Variants in OXNAD1 observed in about 807,000 individuals in gnomAD.
OXNAD1 encodes the protein oxidoreductase NAD binding domain containing 1, also known as oxidoreductase NAD-binding domain-containing protein 1.
In OXNAD1, 34 loss-of-function variants were observed where a neutral mutation model predicts 32.9. The observed-to-expected ratio is 1.03, with a 90% CI of 0.79 to 1.38. The LOEUF (loss-of-function observed/expected upper bound fraction) is 1.38, where lower values mean the gene tolerates loss of function less well. Ranked by LOEUF, OXNAD1 falls within the 40% of genes most tolerant of loss-of-function variation. The pLI is 0.00. For synonymous variants in OXNAD1, 134 were observed against 135.2 expected, an observed-to-expected ratio of 0.99 and a Z score of 0.06; for missense variants, 407 against 379.4, an observed-to-expected ratio of 1.07 and a Z score of -0.60.
rs1179175357 is a variant in OXNAD1 at position 16,284,682 on chromosome 3, A to G, written c.184-1660A>G. Reference sequence around the variant, plus strand: ...CAGCAGCATTGTAAGTACTTTTGTCAGTATTATCTCATTTAATCCTCCCAG... The same window carrying G: ...CAGCAGCATTGTAAGTACTTTTGTCGGTATTATCTCATTTAATCCTCCCAG... On this transcript the variant is annotated intron_variant, in intron 4 of 8. Transcript: ENST00000285083. The surrounding 1 kb of genome is among the most constrained non-coding windows in gnomAD (Gnocchi z 4.1). 6.6e-6 allele frequency among the ~76,000 whole-genome samples: 1 copy of G among 152,208 alleles called. No individual in the cohort carries two copies. The highest frequency in any genetic ancestry group is 1.5e-5 in the Non-Finnish European group (1 of 68,026).
rs6784546 is a variant in OXNAD1 at position 16,288,026 on chromosome 3, C to T, written c.290+1578C>T. ...GTTGATCAGCATTCATTCCAGGCCCCTGGGCCCTCCTCTTTCAACAAATTT... is the reference window on the plus strand; with the variant it reads ...GTTGATCAGCATTCATTCCAGGCCCTTGGGCCCTCCTCTTTCAACAAATTT... On this transcript the variant is annotated intron_variant, in intron 5 of 8. Coordinates refer to ENST00000285083, the MANE Select transcript of OXNAD1 (RefSeq NM_138381.5). The surrounding 1 kb of genome is among the most constrained non-coding windows in gnomAD (Gnocchi z 5.1). Among the ~76,000 whole-genome samples the T allele has an allele frequency of 0.066, 10,025 of 152,216 alleles. 1,041 individuals are homozygous for T. The highest frequency in any genetic ancestry group is 0.23 in the African/African-American group (9,466 of 41,488).
At chr3:16,274,265 A>G (rs1306828524) in intron 4 of OXNAD1, among the ~76,000 whole-genome samples, 1 of 152,056 alleles carries the variant, frequency 6.6e-6, no homozygotes, top group Non-Finnish European at 1.5e-5. Flanking sequence ...GTTTATAAAT[A>G]TAACTATAAC....
chr3:16,351,503 A>G (rs1376077399), downstream of OXNAD1, among the ~76,000 whole-genome samples: 2 of 152,234 alleles, frequency 1.3e-5, no homozygotes, highest in African/African-American at 2.4e-5. The surrounding 1 kb of genome is among the most constrained non-coding windows in gnomAD (Gnocchi z 5.4). Flanking sequence ...CCAGAGCCTC[A>G]TGACAAAGTC....
Position 16,290,164 on chromosome 3 carries a change from C to T in OXNAD1, c.290+3716C>T, listed in dbSNP as rs1008103566. ...TGGATGTGGACATCCACTGCTTCAC[C>T]GCGCACCTAGGCTCCTTCTGCATAC... On this transcript the variant is annotated intron_variant, in intron 5 of 8. Transcript: ENST00000285083. This position sits in a 1 kb window ranked among gnomAD's most constrained non-coding sequence, Gnocchi z 4.2. Among the ~76,000 whole-genome samples, 14 of 152,156 alleles carry T rather than the reference C, an allele frequency of 9.2e-5. No individual in the cohort carries two copies. The highest frequency in any genetic ancestry group is 3.8e-4 in the East Asian group (2 of 5,196).
rs1182486212 is a variant in OXNAD1 at position 16,289,791 on chromosome 3, C to T, written c.290+3343C>T. The stretch of plus-strand genomic sequence containing the variant: ...TGAAGTCTTTCTTAATTCCTGTACT[C>T]CTGGTAGAATTGACTCCTCCTTCCT... On this transcript the variant is annotated intron_variant, in intron 5 of 8. Coordinates refer to ENST00000285083, the MANE Select transcript of OXNAD1 (RefSeq NM_138381.5). This position sits in a 1 kb window ranked among gnomAD's most constrained non-coding sequence, Gnocchi z 4.9. Among the ~76,000 whole-genome samples, 1 of 152,174 alleles carries T rather than the reference C, an allele frequency of 6.6e-6. No homozygotes were observed. The highest frequency in any genetic ancestry group is 2.4e-5 in the African/African-American group (1 of 41,436).
At chr3:16,306,725 C>G (rs762738274), downstream of OXNAD1, among the ~76,000 whole-genome samples, 1 of 152,186 alleles carries the variant, frequency 6.6e-6, no homozygotes, top group Non-Finnish European at 1.5e-5. Context: ...CTCTGTATTT[C>G]ATGTAAACTG....
chr3:16,269,263 G>T lies in OXNAD1; in HGVS notation c.-21G>T. 2 of 1,535,260 alleles carry T rather than the reference G, an allele frequency of 1.3e-6. No homozygotes were observed. The highest frequency in any genetic ancestry group is 1.7e-6 in the Non-Finnish European group (2 of 1,146,728). On this transcript the variant is annotated 5_prime_UTR_variant, in exon 2 of 9. Transcript: ENST00000285083. The stretch of plus-strand genomic sequence containing the variant: ...TATACTTAATGACTCCTAAAATCTC[G>T]TGGACTTCTAAGGTAAGTTTCAACT...
chr3:16,296,156 A>G (rs946004338), intron 6 of OXNAD1, among the ~76,000 whole-genome samples: 14 of 152,200 alleles, frequency 9.2e-5, no homozygotes, highest in African/African-American at 3.4e-4. Flanking sequence ...ACACAGGCAA[A>G]TCATGTTTGT....
In OXNAD1 at chr3:16,271,230, G is replaced by A. The variant is rs1322258461; in HGVS notation, c.119+159G>A. 4 of 848,048 alleles carry A rather than the reference G, an allele frequency of 4.7e-6. No homozygotes were observed. In the East Asian group the frequency reaches 1.0e-4, roughly 22 times the overall value. 52.5% of individuals were successfully genotyped at this position (848,048 alleles called of 1,614,324 possible). ...AACCGTTTTTTTTGTCTGAGATGGA[G>A]TCTTGCTCCGTCGCCTGGGCTGGAG... On this transcript the variant is annotated intron_variant, in intron 3 of 8. Coordinates refer to ENST00000285083, the MANE Select transcript of OXNAD1 (RefSeq NM_138381.5). This position sits in a 1 kb window ranked among gnomAD's most constrained non-coding sequence, Gnocchi z 4.6.
chr3:16,293,181 G>T (rs1362828061), intron 5 of OXNAD1, among the ~76,000 whole-genome samples: 1 of 152,114 alleles, frequency 6.6e-6, no homozygotes, highest in Non-Finnish European at 1.5e-5. Context: ...CATTTACTTA[G>T]ATCTTTAATT....
Position 16,334,342 on chromosome 3 carries a change from G to GAAC in OXNAD1, c.*31-2768_*31-2766dup, listed in dbSNP as rs1275714167. Among the ~76,000 whole-genome samples, 1 of 152,190 alleles carries GAAC rather than the reference G, an allele frequency of 6.6e-6. No homozygotes were observed. Among genetic ancestry groups the GAAC allele is most frequent in the Non-Finnish European group, 1.5e-5 (1 of 68,044 alleles). On this transcript the variant is annotated intron_variant, in intron 9 of 9. Coordinates refer to the OXNAD1 transcript ENST00000435829. The surrounding 1 kb of genome is among the most constrained non-coding windows in gnomAD (Gnocchi z 4.3). ...GGCTCATTGATTCAACCCTCCTGGA[G>GAAC]AACAGTTTGACAGTATCTTTCAAAA... is the stretch of plus-strand genomic sequence containing the variant.
Position 16,303,311 on chromosome 3 carries a change from G to A in OXNAD1, c.785-97G>A. 7.1e-7 allele frequency: 1 copy of A among 1,399,664 alleles called. No individual in the cohort carries two copies. The highest frequency in any genetic ancestry group is 9.9e-7 in the Non-Finnish European group (1 of 1,014,878). 86.7% of individuals were successfully genotyped at this position (1,399,664 alleles called of 1,614,324 possible). A position where few individuals can be genotyped will look rare whatever the true frequency, so the allele number is the denominator to read the frequency against. On this transcript the variant is annotated intron_variant, in intron 8 of 8. Coordinates refer to ENST00000285083, the MANE Select transcript of OXNAD1 (RefSeq NM_138381.5). The surrounding 1 kb of genome is among the most constrained non-coding windows in gnomAD (Gnocchi z 4.8). The stretch of plus-strand genomic sequence containing the variant: ...TAAGAAGACTAGACTCACTGAACTT[G>A]GAAATAAACACTGTATCTGAATTGT...
At chr3:16,279,071 G>C (rs991576901) in intron 4 of OXNAD1, among the ~76,000 whole-genome samples, 4 of 152,228 alleles carry the variant, frequency 2.6e-5, no homozygotes, top group African/African-American at 9.6e-5. Context: ...CCTGTAACTT[G>C]CTTTGGTTAT....
rs2068035317 is a variant in OXNAD1 at position 16,312,352 on chromosome 3, G to GGCCCACCCT, written c.*30+8763_*30+8771dup. ...TGCAGGCAGAGCACTAATCACCAGG[G>GGCCCACCCT]GCCCACCCTGCACTACTCACGCAGT... is the stretch of plus-strand genomic sequence containing the variant. On this transcript the variant is annotated intron_variant, in intron 9 of 9. Transcript: ENST00000435829. The surrounding 1 kb of genome is among the most constrained non-coding windows in gnomAD (Gnocchi z 4.7). Among the ~76,000 whole-genome samples the GGCCCACCCT allele has an allele frequency of 6.6e-6, 1 of 152,064 alleles. No individual in the cohort carries two copies. Among genetic ancestry groups the GGCCCACCCT allele is most frequent in the Non-Finnish European group, 1.5e-5 (1 of 68,016 alleles).
intron 4 of OXNAD1, among the ~76,000 whole-genome samples, chr3:16,285,899 G>A (rs1376906985): frequency 2.6e-5 from 4 of 152,106 alleles, no homozygotes; most frequent in African/African-American, 4.8e-5. Flanking sequence ...GCTCTTTGTG[G>A]GCTCCTTACA....
In OXNAD1 at chr3:16,303,582, A is replaced by C; in HGVS notation, c.*20A>C. 1 of 1,610,558 alleles carries C rather than the reference A, an allele frequency of 6.2e-7. No individual in the cohort carries two copies. The highest frequency in any genetic ancestry group is 2.2e-5 in the East Asian group (1 of 44,566). On this transcript the variant is annotated 3_prime_UTR_variant, in exon 9 of 9. Transcript: ENST00000285083. This position sits in a 1 kb window ranked among gnomAD's most constrained non-coding sequence, Gnocchi z 4.8. Reference sequence around the variant, plus strand: ...TGGTAGGAGGCAGACAAAGGCAGAAAAAATAAAGAGGTGAGATCTACTCAG... The same window carrying C: ...TGGTAGGAGGCAGACAAAGGCAGAACAAATAAAGAGGTGAGATCTACTCAG...
At chr3:16,347,580 CCTCT>C (rs1368175900) in intron 9 of OXNAD1, 5 of 152,206 alleles carry the variant, frequency 3.3e-5, no homozygotes, top group African/African-American at 4.8e-5. Context: ...ATAAAATCTC[CCTCT>C]GCCTCTCTGT....
Position 16,317,762 on chromosome 3 carries a change from CCA to C in OXNAD1, c.*30+14171_*30+14172del, listed in dbSNP as rs1374513291. Among the ~76,000 whole-genome samples, 2 of 139,344 alleles carry C rather than the reference CCA, an allele frequency of 1.4e-5. No individual in the cohort carries two copies. Among genetic ancestry groups the C allele is most frequent in the South Asian group, 4.2e-4 (2 of 4,712 alleles). 91.4% of individuals were successfully genotyped at this position (139,344 alleles called of 152,430 possible). A position where few individuals can be genotyped will look rare whatever the true frequency, so the allele number is the denominator to read the frequency against. ...CCCACAGGACTGGCGGGCCCGCTCC[CCA>C]GCTAGGCCGATAGCCCTTTGCTGAC... On this transcript the variant is annotated intron_variant, in intron 9 of 9. Coordinates refer to the OXNAD1 transcript ENST00000435829. This position sits in a 1 kb window ranked among gnomAD's most constrained non-coding sequence, Gnocchi z 4.3.
chr3:16,328,526 C>G (rs1197587118), intron 9 of OXNAD1, among the ~76,000 whole-genome samples: 2 of 152,196 alleles, frequency 1.3e-5, no homozygotes, highest in African/African-American at 4.8e-5. Flanking sequence ...ATCAAGTCAC[C>G]TGAACCCTTG....
Sources: gnomAD v4.1 joint callset for allele counts (sites outside exome capture counted in the v4.1 genomes callset) on GRCh38, gnomAD v4.1.1 for gene constraint, Gnocchi (gnomAD v3.1) non-coding constraint, MANE v1.5 for transcripts, NCBI Gene and HGNC (gene_info 2026-07-23, HGNC 2026-07-21) for gene names.